Variants in PCM1 observed in about 807,000 individuals in gnomAD.
PCM1 encodes the protein pericentriolar material 1.
Under a neutral mutation model 241.9 loss-of-function variants are expected in PCM1, and 157 were observed. The observed-to-expected ratio is 0.65, with a 90% CI of 0.57 to 0.74. PCM1 has a LOEUF of 0.74. PCM1 is among the 30% of genes least tolerant of loss of function. The pLI, the probability that PCM1 is intolerant of heterozygous loss-of-function variation, is 0.00. For missense variants in PCM1, 3,478 were observed against 2,360.1 expected (o/e 1.47, Z -9.81); for synonymous variants, 1,085 against 784.9 (o/e 1.38, Z -6.39).
intron 29 of PCM1, among the ~76,000 whole-genome samples, chr8:17,995,444 G>C (rs556857642): frequency 2.6e-5 from 4 of 151,422 alleles, no homozygotes; most frequent in Non-Finnish European, 5.9e-5. Flanking sequence ...TTGTATGCCA[G>C]TACCACGCTG....
intron 29 of PCM1, among the ~76,000 whole-genome samples, chr8:18,002,053 A>ATTTTT (rs777500160): frequency 1.0e-4 from 1 of 10,002 alleles, no homozygotes; most frequent in African/African-American, 9.6e-4. Flanking sequence ...GATCTGTTAA[A>ATTTTT]TTTTTTTTTT....
intron 30 of PCM1, among the ~76,000 whole-genome samples, chr8:18,007,339 A>AT (rs1401274692): frequency 6.6e-6 from 1 of 152,156 alleles, no homozygotes; most frequent in Non-Finnish European, 1.5e-5. Context: ...GTAATTTTCC[A>AT]TTTTGTTAGT....
intron 29 of PCM1, among the ~76,000 whole-genome samples, chr8:17,999,140 C>A (rs1399876088): frequency 6.6e-6 from 1 of 152,028 alleles, no homozygotes; most frequent in Non-Finnish European, 1.5e-5. Context: ...TGGTGCTCTA[C>A]CCCACTGTGA....
chr8:17,949,795 C>T (rs1174877539), intron 7 of PCM1, among the ~76,000 whole-genome samples: 1 of 152,076 alleles, frequency 6.6e-6, no homozygotes, highest in Non-Finnish European at 1.5e-5. Flanking sequence ...CTGTACCTGG[C>T]CACCAATGTC....
chr8:17,950,597 T>G lies in PCM1; in HGVS notation c.962-18T>G. The stretch of plus-strand genomic sequence containing the variant: ...TTTGATTATTTACATTAATCAGTAG[T>G]TACTAATTTCTTTCCAGTTGTTGCA... On this transcript the variant is annotated intron_variant, in intron 7 of 38. Coordinates refer to ENST00000325083, the MANE Select transcript of PCM1 (RefSeq NM_006197.4). 8.2e-7 allele frequency: 1 copy of G among 1,215,418 alleles called. No individual in the cohort carries two copies. Among genetic ancestry groups the G allele is most frequent in the Non-Finnish European group, 1.2e-6 (1 of 827,664 alleles). 75.3% of individuals were successfully genotyped at this position (1,215,418 alleles called of 1,614,324 possible). A position where few individuals can be genotyped will look rare whatever the true frequency, so the allele number is the denominator to read the frequency against.
chr8:17,981,992 CG>C (rs1349429324), intron 24 of PCM1, among the ~76,000 whole-genome samples: 3 of 151,864 alleles, frequency 2.0e-5, no homozygotes, highest in African/African-American at 7.3e-5. Context: ...GCAAAAAGGC[CG>C]GAAGAAAATG....
intron 26 of PCM1, among the ~76,000 whole-genome samples, chr8:17,989,464 T>A (rs1484684958): frequency 2.6e-5 from 4 of 152,170 alleles, no homozygotes; most frequent in African/African-American, 4.8e-5. Context: ...CAAATGATGT[T>A]GTGATGTTTT....
intron 23 of PCM1, among the ~76,000 whole-genome samples, chr8:17,973,645 A>T (rs572233962): frequency 1.3e-5 from 2 of 151,658 alleles, no homozygotes; most frequent in Admixed American, 1.3e-4. Flanking sequence ...TGAACCTGGG[A>T]GGCAGAGGTT....
intron 26 of PCM1, among the ~76,000 whole-genome samples, chr8:17,986,645 A>C (rs978168888): frequency 4.6e-5 from 7 of 151,792 alleles, no homozygotes; most frequent in African/African-American, 1.7e-4. Flanking sequence ...TCCAAATAGC[A>C]CTTAGCACAT....
rs2094358034 is a variant in PCM1, at chr8:18,028,272, A to G, written c.*610A>G. On this transcript the variant is annotated 3_prime_UTR_variant, in exon 39 of 39. Coordinates refer to ENST00000325083, the MANE Select transcript of PCM1 (RefSeq NM_006197.4). ...TTTATTAATCCATTGAAATTGGATA[A>G]TAAGTTTAGAACATAGGTTCTCAGT... The G allele has an allele frequency of 5.4e-6, 1 of 186,616 alleles. No individual in the cohort carries two copies. Among genetic ancestry groups the G allele is most frequent in the African/African-American group, 2.4e-5 (1 of 42,474 alleles). The allele number at this position is 186,616 out of a possible 1,614,324, so 11.6% of individuals were successfully genotyped here.
chr8:17,983,723 G>A (rs2081713664), intron 24 of PCM1, among the ~76,000 whole-genome samples: 1 of 152,102 alleles, frequency 6.6e-6, no homozygotes, highest in South Asian at 2.1e-4. Flanking sequence ...TAAAGATCAT[G>A]GAAATTACAA....
Position 18,008,333 on chromosome 8 carries a change from C to T in PCM1, c.4963-1214C>T, listed in dbSNP as rs193079649. ...TGAGAATCTAATTCCTGACCTGTCA[C>T]TGTCTCCCATCACCCCCATATGAGA... On this transcript the variant is annotated intron_variant, in intron 30 of 38. Coordinates refer to ENST00000325083, the MANE Select transcript of PCM1 (RefSeq NM_006197.4). Among the ~76,000 whole-genome samples, 3 of 151,966 alleles carry T rather than the reference C, an allele frequency of 2.0e-5. No homozygotes were observed. The East Asian group carries it at 5.8e-4, about 29-fold the overall frequency.
intron 23 of PCM1, among the ~76,000 whole-genome samples, chr8:17,975,532 A>G (rs900308639): frequency 3.3e-5 from 5 of 152,110 alleles, no homozygotes; most frequent in African/African-American, 1.2e-4. Flanking sequence ...AGCCTTTCAA[A>G]TTGTTACTAC....
At chr8:18,004,736 G>A (rs902954749) in intron 29 of PCM1, among the ~76,000 whole-genome samples, 7 of 152,146 alleles carry the variant, frequency 4.6e-5, no homozygotes, top group Admixed American at 4.6e-4. Context: ...CATCACTAGT[G>A]AGTCAAAAAT....
chr8:17,939,152 A>G (rs997600011), intron 5 of PCM1, 143 bp downstream of exon 5: 3 of 710,534 alleles, frequency 4.2e-6, no homozygotes, highest in African/African-American at 3.6e-5. Flanking sequence ...TTAATCTGCC[A>G]GATTTACTTA....
At chr8:17,934,575 T>A (rs1433004382) in intron 2 of PCM1, 2 of 152,270 alleles carry the variant, frequency 1.3e-5, no homozygotes, top group African/African-American at 4.8e-5. Context: ...AATATTTTTT[T>A]ATTGCCATTT....
At chr8:17,971,279 C>G (rs1043518026) in intron 22 of PCM1, among the ~76,000 whole-genome samples, 1 of 152,142 alleles carries the variant, frequency 6.6e-6, no homozygotes, top group Non-Finnish European at 1.5e-5. Context: ...GAGTTAAATC[C>G]TGTAGGTCAC....
intron 30 of PCM1, among the ~76,000 whole-genome samples, chr8:18,008,188 G>T (rs58727450): frequency 4.6e-5 from 7 of 152,150 alleles, no homozygotes; most frequent in Middle Eastern, 3.4e-3. Context: ...CCCTCCCCAC[G>T]GCTCTCATTA....
In PCM1 at chr8:18,028,095, G is replaced by A. The variant is rs958390467; in HGVS notation, c.*433G>A. On this transcript the variant is annotated 3_prime_UTR_variant, in exon 39 of 39. Transcript: ENST00000325083. ...AGAGAAATATATTATTTGTTATAAA[G>A]CCCATCCATTAGGCCAGTCTTCCAA... 1 of 206,370 alleles carries A rather than the reference G, an allele frequency of 4.8e-6. No individual in the cohort carries two copies. Among genetic ancestry groups the A allele is most frequent in the African/African-American group, 2.3e-5 (1 of 43,880 alleles). 12.8% of individuals were successfully genotyped at this position (206,370 alleles called of 1,614,324 possible).
Sources: allele counts gnomAD v4.1 joint callset (sites outside exome capture counted in the v4.1 genomes callset), GRCh38; gene constraint gnomAD v4.1.1; transcripts MANE v1.5; gene names NCBI Gene and HGNC (gene_info 2026-07-23, HGNC 2026-07-21).